C8A: variants seen among roughly 807,000 people sequenced by gnomAD.
C8A encodes complement C8 alpha chain, also known as complement component C8 alpha chain.
Under a neutral mutation model 65.3 loss-of-function variants are expected in C8A, and 67 were observed. The observed-to-expected ratio is 1.03, with a 90% confidence interval of 0.84 to 1.26. The LOEUF (loss-of-function observed/expected upper bound fraction) is 1.26. Ranked by LOEUF, C8A falls within the 50% of genes most tolerant of loss-of-function variation. The pLI is 0.00. For synonymous variants in C8A, 290 were observed against 259.4 expected (o/e 1.12, Z -1.13); for missense variants, 781 against 723.9 (o/e 1.08, Z -0.90).
At chr1:56,877,275 C>T (rs949495968) in intron 4 of C8A, among the ~76,000 whole-genome samples, 3 of 151,916 alleles carry the variant, frequency 2.0e-5, no homozygotes, top group East Asian at 1.9e-4. Context: ...TGTGGCAGCC[C>T]CTGCAGACTA....
intron 1 of C8A, 65 bp downstream of exon 1, chr1:56,855,043 C>T (rs1643960125): frequency 1.7e-6 from 2 of 1,195,366 alleles, no homozygotes; most frequent in East Asian, 2.3e-5. Flanking sequence ...AACTAAGACA[C>T]TTTTATGTTT....
chr1:56,889,567 T>C (rs529137341), intron 7 of C8A, among the ~76,000 whole-genome samples: 9 of 152,286 alleles, frequency 5.9e-5, no homozygotes, highest in African/African-American at 2.2e-4. Flanking sequence ...TCTTTTTCTC[T>C]CTCTATGTAT....
chr1:56,880,798 A>C (rs1327563677), intron 4 of C8A, among the ~76,000 whole-genome samples: 7 of 152,210 alleles, frequency 4.6e-5, no homozygotes, highest in Non-Finnish European at 7.4e-5. Context: ...ACATGTTTCA[A>C]CTCATTTAAC....
At chr1:56,902,621 A>G (rs1199354066) in intron 7 of C8A, among the ~76,000 whole-genome samples, 1 of 152,172 alleles carries the variant, frequency 6.6e-6, no homozygotes, top group Admixed American at 6.5e-5. Flanking sequence ...TTGAGACTTT[A>G]TGGTCATTGA....
chr1:56,888,287 A>G (rs1297714969), intron 7 of C8A, among the ~76,000 whole-genome samples: 2 of 152,206 alleles, frequency 1.3e-5, no homozygotes, highest in Admixed American at 1.3e-4. Flanking sequence ...TGAAGCATTA[A>G]TTTAGATTCC....
intron 1 of C8A, 139 bp downstream of exon 1, chr1:56,855,117 G>C: frequency 1.3e-6 from 1 of 756,074 alleles, no homozygotes; most frequent in Non-Finnish European, 2.4e-6. Context: ...TCCTGTGGAG[G>C]AGGATGGGAC....
chr1:56,867,581 T>A (rs773385599), intron 1 of C8A, 28 bp from the exon 2 acceptor site: 1 of 1,546,458 alleles, frequency 6.5e-7, no homozygotes, highest in Admixed American at 1.7e-5. Context: ...CATCTCAAAA[T>A]TGATGCATGG....
At chr1:56,898,406 C>T (rs1442768005) in intron 7 of C8A, among the ~76,000 whole-genome samples, 1 of 152,154 alleles carries the variant, frequency 6.6e-6, no homozygotes, top group African/African-American at 2.4e-5. Context: ...GCTCATTGTT[C>T]ACCATTGGGG....
chr1:56,917,763 T>A lies in C8A; in HGVS notation c.*47T>A. ...ACCAGATGCTGTGGATGTCGACCCC[T>A]GCACTGACTATTGGATAAAGACTTC... is the stretch of plus-strand genomic sequence containing the variant. On this transcript the variant is annotated 3_prime_UTR_variant, in exon 11 of 11. Coordinates refer to ENST00000361249, the MANE Select transcript of C8A (RefSeq NM_000562.3). 6.2e-7 allele frequency: 1 copy of A among 1,606,754 alleles called. No individual in the cohort carries two copies. Among genetic ancestry groups the A allele is most frequent in the South Asian group, 1.1e-5 (1 of 90,760 alleles).
intron 4 of C8A, among the ~76,000 whole-genome samples, chr1:56,879,832 G>A: frequency 6.6e-6 from 1 of 152,132 alleles, no homozygotes; most frequent in East Asian, 1.9e-4. Context: ...AATCTGCCAG[G>A]TGCTCTATAA....
At chr1:56,889,763 G>A (rs115187139) in intron 7 of C8A, among the ~76,000 whole-genome samples, 79 of 152,172 alleles carry the variant, frequency 5.2e-4, no homozygotes, top group African/African-American at 1.6e-3. Flanking sequence ...CTCTGGGTTC[G>A]TTCCAGAGGA....
intron 4 of C8A, among the ~76,000 whole-genome samples, chr1:56,878,478 A>G (rs1042611193): frequency 1.3e-5 from 2 of 152,160 alleles, no homozygotes; most frequent in African/African-American, 4.8e-5. Context: ...AACTAGAAAC[A>G]TTTCAAATAC....
At chr1:56,862,343 A>G (rs373148661) in intron 1 of C8A, among the ~76,000 whole-genome samples, 172 of 151,988 alleles carry the variant, frequency 1.1e-3, no homozygotes, top group African/African-American at 3.9e-3. Context: ...ACTGTGTTAC[A>G]TAGTCTTACA....
chr1:56,916,918 A>G lies in C8A; in HGVS notation c.1604-647A>G, dbSNP rs529881723. ...TCTGCGGCTCCATTGCCAGAATCTGAGGGGGTTTGATTTGCAGATCCTCAT... is the reference window on the plus strand; with the variant it reads ...TCTGCGGCTCCATTGCCAGAATCTGGGGGGGTTTGATTTGCAGATCCTCAT... On this transcript the variant is annotated intron_variant, in intron 10 of 10. Coordinates refer to ENST00000361249, the MANE Select transcript of C8A (RefSeq NM_000562.3). Among the ~76,000 whole-genome samples the G allele has an allele frequency of 5.3e-5, 8 of 152,246 alleles. No homozygotes were observed. The South Asian group carries it at 1.5e-3, about 28-fold the overall frequency.
intron 7 of C8A, among the ~76,000 whole-genome samples, chr1:56,888,272 C>A (rs375572817): frequency 6.6e-6 from 1 of 152,032 alleles, no homozygotes. Context: ...ACAGGAAGTT[C>A]GAGATGAAGC....
intron 6 of C8A, among the ~76,000 whole-genome samples, chr1:56,885,394 A>ACAT (rs1557705718): frequency 1.6e-5 from 2 of 123,816 alleles, no homozygotes; most frequent in African/African-American, 6.0e-5. Context: ...ATATATATTT[A>ACAT]AATAAATATA....
At chr1:56,866,917 G>T (rs1644094899) in intron 1 of C8A, among the ~76,000 whole-genome samples, 1 of 152,156 alleles carries the variant, frequency 6.6e-6, no homozygotes, top group South Asian at 2.1e-4. Flanking sequence ...AATGGGTTTT[G>T]CCATCAAACC....
chr1:56,893,685 G>A (rs558728746), intron 7 of C8A, among the ~76,000 whole-genome samples: 2 of 152,266 alleles, frequency 1.3e-5, no homozygotes, highest in Admixed American at 1.3e-4. Context: ...ATCATCTTAA[G>A]TTTCAATTTC....
intron 1 of C8A, among the ~76,000 whole-genome samples, chr1:56,860,776 G>A (rs1331078383): frequency 2.6e-5 from 4 of 152,180 alleles, no homozygotes; most frequent in Non-Finnish European, 4.4e-5. Flanking sequence ...ATGAAGCCAA[G>A]GACGTGGATC....
Sources: gnomAD v4.1 joint callset for allele counts (sites outside exome capture counted in the v4.1 genomes callset) on GRCh38, gnomAD v4.1.1 for gene constraint, MANE v1.5 for transcripts, NCBI Gene and HGNC (gene_info 2026-07-23, HGNC 2026-07-21) for gene names.